The following KIRREL3 variants were observed in gnomAD, a reference collection of about 807,000 sequenced individuals.
The protein encoded by KIRREL3 is kirre like nephrin family adhesion molecule 3.
KIRREL3 carries 36 observed loss-of-function variants against 89.7 expected under a neutral mutation model. That is an observed-to-expected ratio of 0.40 (90% CI 0.31 to 0.53). KIRREL3 has a LOEUF of 0.53. Among genes scored for constraint, KIRREL3 ranks in the 20% least tolerant of loss-of-function variants. KIRREL3 has a pLI of 0.49. For synonymous variants in KIRREL3, 445 were observed against 441.4 expected (o/e 1.01, Z -0.10); for missense variants, 864 against 1,056.6 (o/e 0.82, Z 2.53).
chr11:126,725,302 TATG>T (rs1308291391), intron 1 of KIRREL3, among the ~76,000 whole-genome samples: 1 of 152,092 alleles, frequency 6.6e-6, no homozygotes. Flanking sequence ...AGATCAAAGA[TATG>T]ATATCTCTGG....
chr11:126,689,717 C>T lies in KIRREL3; in HGVS notation c.56-126805G>A, dbSNP rs959207674. 6.6e-6 allele frequency among the ~76,000 whole-genome samples: 1 copy of T among 152,238 alleles called. No individual in the cohort carries two copies. The highest frequency in any genetic ancestry group is 1.5e-5 in the Non-Finnish European group (1 of 68,038). ...CAAGTCAGTGCAACTAGCTACCTGT[C>T]TTCCTGTCACTTTTCTTTGGCCACC... On this transcript the variant is annotated intron_variant, in intron 1 of 16. Coordinates refer to ENST00000525144, the MANE Select transcript of KIRREL3 (RefSeq NM_032531.4). This position sits in a 1 kb window ranked among gnomAD's most constrained non-coding sequence, Gnocchi z 5.2.
chr11:126,492,339 T>G lies in KIRREL3; in HGVS notation c.434-18873A>C. Among the ~76,000 whole-genome samples the G allele has an allele frequency of 6.6e-6, 1 of 152,254 alleles. No homozygotes were observed. The highest frequency in any genetic ancestry group is 1.9e-4 in the East Asian group (1 of 5,152). On this transcript the variant is annotated intron_variant, in intron 4 of 16. Transcript: ENST00000525144. This position sits in a 1 kb window ranked among gnomAD's most constrained non-coding sequence, Gnocchi z 4.8. ...CCCCCGATGAGGGATGAGGTGGATG[T>G]GACAAGGTGACATGACCCTAAGGCA...
intron 1 of KIRREL3, among the ~76,000 whole-genome samples, chr11:126,929,435 AAGG>A (rs1469901053): frequency 2.0e-5 from 3 of 152,202 alleles, no homozygotes; most frequent in Non-Finnish European, 2.9e-5. Context: ...GTACAGAAAG[AAGG>A]AGGTCAGTTC....
At chr11:126,819,675 G>C (rs868390021) in intron 1 of KIRREL3, among the ~76,000 whole-genome samples, 2 of 152,254 alleles carry the variant, frequency 1.3e-5, no homozygotes, top group African/African-American at 2.4e-5. Context: ...ATACACATCG[G>C]TGAGCAGAGG....
intron 1 of KIRREL3, among the ~76,000 whole-genome samples, chr11:126,722,234 C>T (rs1221700861): frequency 6.6e-6 from 1 of 152,214 alleles, no homozygotes; most frequent in African/African-American, 2.4e-5. Flanking sequence ...AGAGTCATTC[C>T]ACCCCCAGGG....
In KIRREL3 at chr11:126,780,014, G is replaced by A. The variant is rs1950279589; in HGVS notation, c.56-217102C>T. ...AAAGCTCGGCTGAGTCTGGCTCTGT[G>A]GCTTCAACAGGGAGCCCCACGCTGT... On this transcript the variant is annotated intron_variant, in intron 1 of 16. Coordinates refer to ENST00000525144, the MANE Select transcript of KIRREL3 (RefSeq NM_032531.4). This position sits in a 1 kb window ranked among gnomAD's most constrained non-coding sequence, Gnocchi z 5.3. 6.6e-6 allele frequency among the ~76,000 whole-genome samples: 1 copy of A among 152,082 alleles called. No homozygotes were observed. The highest frequency in any genetic ancestry group is 1.5e-5 in the Non-Finnish European group (1 of 68,038).
chr11:126,451,626 C>A (rs1477343645), intron 7 of KIRREL3, among the ~76,000 whole-genome samples: 1 of 130,822 alleles, frequency 7.6e-6, no homozygotes. Context: ...GCATGTGTGT[C>A]CATGTGCATG....
intron 1 of KIRREL3, among the ~76,000 whole-genome samples, chr11:126,884,110 T>G (rs1945611061): frequency 6.6e-6 from 1 of 152,224 alleles, no homozygotes; most frequent in Admixed American, 6.5e-5. Flanking sequence ...TTCAAGTCTA[T>G]TAATTAGAAA....
intron 1 of KIRREL3, among the ~76,000 whole-genome samples, chr11:126,801,397 G>C (rs949474454): frequency 5.9e-5 from 9 of 152,144 alleles, no homozygotes; most frequent in African/African-American, 1.9e-4. Flanking sequence ...GTCACCGATG[G>C]GGATGAGGTA....
At chr11:126,820,481 A>G (rs1943173002) in intron 1 of KIRREL3, among the ~76,000 whole-genome samples, 1 of 152,200 alleles carries the variant, frequency 6.6e-6, no homozygotes, top group African/African-American at 2.4e-5. Context: ...GGAGTTTATA[A>G]TCTATCCTGG....
chr11:126,434,049 TG>T, intron 13 of KIRREL3, among the ~76,000 whole-genome samples: 1 of 152,284 alleles, frequency 6.6e-6, no homozygotes, highest in East Asian at 1.9e-4. Context: ...GGGGGTCCTG[TG>T]GGGGCGAGTG....
In KIRREL3 at chr11:126,837,149, G is replaced by T. The variant is rs1296521842; in HGVS notation, c.55+163306C>A. 6.6e-6 allele frequency among the ~76,000 whole-genome samples: 1 copy of T among 152,098 alleles called. No individual in the cohort carries two copies. The highest frequency in any genetic ancestry group is 1.5e-5 in the Non-Finnish European group (1 of 68,022). ...CCAGTTGGGTTCAAATCCAAGCTTGGTCTTTAACAAGTGTGTGGCCTTGGG... is the reference window on the plus strand; with the variant it reads ...CCAGTTGGGTTCAAATCCAAGCTTGTTCTTTAACAAGTGTGTGGCCTTGGG... On this transcript the variant is annotated intron_variant, in intron 1 of 16. Coordinates refer to ENST00000525144, the MANE Select transcript of KIRREL3 (RefSeq NM_032531.4). The surrounding 1 kb of genome is among the most constrained non-coding windows in gnomAD (Gnocchi z 4.7).
At chr11:126,511,280 C>T (rs562968518) in intron 4 of KIRREL3, among the ~76,000 whole-genome samples, 15 of 151,510 alleles carry the variant, frequency 9.9e-5, no homozygotes, top group Admixed American at 7.9e-4. Context: ...GCTGAGATCA[C>T]GCCACTGCAC....
chr11:126,982,728 A>G (rs1949752276), intron 1 of KIRREL3, among the ~76,000 whole-genome samples: 1 of 152,216 alleles, frequency 6.6e-6, no homozygotes, highest in Non-Finnish European at 1.5e-5. Flanking sequence ...GGGAAAAATC[A>G]AAGTGCAGGC....
intron 1 of KIRREL3, among the ~76,000 whole-genome samples, chr11:126,712,116 G>A (rs148557560): frequency 1.1e-4 from 17 of 152,324 alleles, no homozygotes; most frequent in African/African-American, 1.9e-4. Context: ...GCAAAACAGC[G>A]CGCAGCGACT....
rs1951281372 is a variant in KIRREL3 at position 126,808,655 on chromosome 11, C to G, written c.55+191800G>C. On this transcript the variant is annotated intron_variant, in intron 1 of 16. Transcript: ENST00000525144. The surrounding 1 kb of genome is among the most constrained non-coding windows in gnomAD (Gnocchi z 4.1). ...GCCTTTTTCTGCGCTTTTTAACCAT[C>G]TCAGATTAAATGCTGAATTGTATTT... Among the ~76,000 whole-genome samples, 1 of 152,214 alleles carries G rather than the reference C, an allele frequency of 6.6e-6. No homozygotes were observed. The highest frequency in any genetic ancestry group is 1.5e-5 in the Non-Finnish European group (1 of 68,042).
In KIRREL3 at chr11:126,924,325, G is replaced by A. The variant is rs1213150047; in HGVS notation, c.55+76130C>T. ...ATCTTTCAAAGCACAAATGAGGTCT[G>A]TCTCATTCTCTTGCTTACACCCTTC... On this transcript the variant is annotated intron_variant, in intron 1 of 16. Coordinates refer to ENST00000525144, the MANE Select transcript of KIRREL3 (RefSeq NM_032531.4). The surrounding 1 kb of genome is among the most constrained non-coding windows in gnomAD (Gnocchi z 4.7). 1.3e-5 allele frequency among the ~76,000 whole-genome samples: 2 copies of A among 152,252 alleles called. No homozygotes were observed. The highest frequency in any genetic ancestry group is 3.9e-4 in the East Asian group (2 of 5,178).
In KIRREL3 at chr11:126,995,713, T is replaced by C. The variant is rs1270096797; in HGVS notation, c.55+4742A>G. Reference sequence around the variant, plus strand: ...AAAGGTATCATTAGTATTGTTATTATTTTGCTATTGAAATCTCTTCAATTC... The same window carrying C: ...AAAGGTATCATTAGTATTGTTATTACTTTGCTATTGAAATCTCTTCAATTC... On this transcript the variant is annotated intron_variant, in intron 1 of 16. Transcript: ENST00000525144. This position sits in a 1 kb window ranked among gnomAD's most constrained non-coding sequence, Gnocchi z 6.5. Among the ~76,000 whole-genome samples, 1 of 152,260 alleles carries C rather than the reference T, an allele frequency of 6.6e-6. No individual in the cohort carries two copies. The highest frequency in any genetic ancestry group is 2.4e-5 in the African/African-American group (1 of 41,464).
rs1946261265 is a variant in KIRREL3 at position 126,898,803 on chromosome 11, A to T, written c.55+101652T>A. ...GTTATGATGTGTCATAAGCTGAGAAATATGACTAACTCAAGTCTTTGCAGC... is the reference window on the plus strand; with the variant it reads ...GTTATGATGTGTCATAAGCTGAGAATTATGACTAACTCAAGTCTTTGCAGC... On this transcript the variant is annotated intron_variant, in intron 1 of 16. Coordinates refer to ENST00000525144, the MANE Select transcript of KIRREL3 (RefSeq NM_032531.4). The surrounding 1 kb of genome is among the most constrained non-coding windows in gnomAD (Gnocchi z 4.9). Among the ~76,000 whole-genome samples the T allele has an allele frequency of 6.6e-6, 1 of 152,226 alleles. No individual in the cohort carries two copies. Among genetic ancestry groups the T allele is most frequent in the African/African-American group, 2.4e-5 (1 of 41,472 alleles).
Sources: allele counts gnomAD v4.1 joint callset (sites outside exome capture counted in the v4.1 genomes callset), GRCh38; gene constraint gnomAD v4.1.1; non-coding constraint Gnocchi (gnomAD v3.1); transcripts MANE v1.5; gene names NCBI Gene and HGNC (gene_info 2026-07-23, HGNC 2026-07-21).